Variants in SORL1-AS1 observed in about 807,000 individuals in gnomAD.
SORL1-AS1 encodes the protein SORL1 antisense RNA 1.
In SORL1-AS1 at chr11:121,452,744, T is replaced by C; in HGVS notation, n.270A>G. The C allele has an allele frequency of 1.2e-6, 1 of 808,978 alleles. No individual in the cohort carries two copies. Among genetic ancestry groups the C allele is most frequent in the South Asian group, 2.4e-5 (1 of 41,704 alleles). 50.1% of individuals were successfully genotyped at this position (808,978 alleles called of 1,614,324 possible). A position where few individuals can be genotyped will look rare whatever the true frequency, so the allele number is the denominator to read the frequency against. ...CTGGGGACTTCCCGGCTTGCATTTG[T>C]TTTTTTCCTTCACGAGTACAACCGT... On this transcript the variant is annotated non_coding_transcript_exon_variant, in exon 1 of 2. Transcript: ENST00000501964. The surrounding 1 kb of genome is among the most constrained non-coding windows in gnomAD (Gnocchi z 5.3).
rs1860806243 is a variant in SORL1-AS1, at chr11:121,452,207, G to C, written n.339+468C>G. 3 of 549,284 alleles carry C rather than the reference G, an allele frequency of 5.5e-6. No individual in the cohort carries two copies. The highest frequency in any genetic ancestry group is 7.2e-6 in the Non-Finnish European group (3 of 416,748). The allele number at this position is 549,284 out of a possible 1,614,324, so 34.0% of individuals were successfully genotyped here. A position where few individuals can be genotyped will look rare whatever the true frequency, so the allele number is the denominator to read the frequency against. The stretch of plus-strand genomic sequence containing the variant: ...GCGGCGGGCGCAGCGGGGCGGCCCG[G>C]AGCGGCGCGGGCGGCCTGGAGCCCC... On this transcript the variant is annotated intron_variant and non_coding_transcript_variant, in intron 1 of 1. Transcript: ENST00000501964. This position sits in a 1 kb window ranked among gnomAD's most constrained non-coding sequence, Gnocchi z 5.3.
chr11:121,443,495 T>C (rs918734194), downstream of SORL1-AS1, among the ~76,000 whole-genome samples: 4 of 152,266 alleles, frequency 2.6e-5, no homozygotes, highest in Non-Finnish European at 5.9e-5. Flanking sequence ...CTGGAAGCTT[T>C]TCCTTATTCA....
downstream of SORL1-AS1, among the ~76,000 whole-genome samples, chr11:121,442,849 T>TGTTTCC (rs1296776759): frequency 6.6e-6 from 1 of 150,768 alleles, no homozygotes; most frequent in Admixed American, 6.6e-5. Flanking sequence ...CGGCTAATTT[T>TGTTTCC]TTGTATTTTT....
intron 1 of SORL1-AS1, among the ~76,000 whole-genome samples, chr11:121,451,320 G>C (rs116683483): frequency 6.6e-6 from 1 of 152,216 alleles, no homozygotes; most frequent in African/African-American, 2.4e-5. Context: ...CTGTGGTTCA[G>C]AGAGTTTGGC....
exon 2 of SORL1-AS1, chr11:121,448,335 C>A (rs1326422700): frequency 3.3e-5 from 5 of 152,176 alleles, no homozygotes; most frequent in Admixed American, 3.3e-4. Flanking sequence ...TGGACGCTTT[C>A]CTAACTGAAG....
the SORL1-AS1 span, among the ~76,000 whole-genome samples, chr11:121,441,815 T>G: frequency 5.3e-5 from 8 of 152,176 alleles, no homozygotes; most frequent in African/African-American, 1.9e-4. Context: ...CCAGCTAATG[T>G]GTGGGAGAAA....
chr11:121,452,409 T>A lies in SORL1-AS1; in HGVS notation n.339+266A>T. 1 of 1,527,666 alleles carries A rather than the reference T, an allele frequency of 6.5e-7. No homozygotes were observed. Among genetic ancestry groups the A allele is most frequent in the Non-Finnish European group, 8.8e-7 (1 of 1,140,718 alleles). The allele number at this position is 1,527,666 out of a possible 1,614,324, so 94.6% of individuals were successfully genotyped here. A position where few individuals can be genotyped will look rare whatever the true frequency, so the allele number is the denominator to read the frequency against. On this transcript the variant is annotated intron_variant and non_coding_transcript_variant, in intron 1 of 1. Coordinates refer to ENST00000501964, the Ensembl canonical transcript of SORL1-AS1. This position sits in a 1 kb window ranked among gnomAD's most constrained non-coding sequence, Gnocchi z 5.3. The stretch of plus-strand genomic sequence containing the variant: ...TGGTCGCACTGCTGCCGCCCGGAGC[T>A]CTCTGCGAAGTCTGGACGCAGAGGC...
exon 2 of SORL1-AS1, chr11:121,448,784 G>A (rs1252421638): frequency 1.3e-5 from 2 of 152,218 alleles, no homozygotes; most frequent in African/African-American, 4.8e-5. Context: ...TCTGCTGCTT[G>A]TAGATTAAGA....
rs759967988 is a variant in SORL1-AS1, at chr11:121,452,349, C to T, written n.339+326G>A. The T allele has an allele frequency of 1.3e-6, 2 of 1,554,012 alleles. No individual in the cohort carries two copies. Among genetic ancestry groups the T allele is most frequent in the Non-Finnish European group, 1.7e-6 (2 of 1,154,626 alleles). ...GCCCGAACATGGCGACACGGAGCAGCAGGAGGGAGTCGCGACTCCCGTTCC... is the reference window on the plus strand; with the variant it reads ...GCCCGAACATGGCGACACGGAGCAGTAGGAGGGAGTCGCGACTCCCGTTCC... On this transcript the variant is annotated intron_variant and non_coding_transcript_variant, in intron 1 of 1. Coordinates refer to ENST00000501964, the Ensembl canonical transcript of SORL1-AS1. This position sits in a 1 kb window ranked among gnomAD's most constrained non-coding sequence, Gnocchi z 5.3.
the SORL1-AS1 span, among the ~76,000 whole-genome samples, chr11:121,441,403 C>T: frequency 0.019 from 2,908 of 150,754 alleles, 37 homozygotes; most frequent in African/African-American, 0.023. Context: ...TGGTGGTGGG[C>T]GCCTGCAGTC....
chr11:121,442,437 C>G (rs938890899), downstream of SORL1-AS1, among the ~76,000 whole-genome samples: 4 of 151,920 alleles, frequency 2.6e-5, no homozygotes, highest in African/African-American at 9.7e-5. Context: ...GAGTTCGGGC[C>G]CAGCCTGGGC....
chr11:121,445,392 TG>T (rs1476308762), downstream of SORL1-AS1, among the ~76,000 whole-genome samples: 1 of 152,170 alleles, frequency 6.6e-6, no homozygotes, highest in Non-Finnish European at 1.5e-5. Flanking sequence ...TCAGAACCCC[TG>T]GCTGCACGGC....
rs1860771983 is a variant in SORL1-AS1, at chr11:121,450,238, A to T, written n.340-339T>A. 1.3e-5 allele frequency among the ~76,000 whole-genome samples: 2 copies of T among 152,142 alleles called. No individual in the cohort carries two copies. The highest frequency in any genetic ancestry group is 4.8e-5 in the African/African-American group (2 of 41,432). On this transcript the variant is annotated intron_variant and non_coding_transcript_variant, in intron 1 of 1. Transcript: ENST00000501964. This position sits in a 1 kb window ranked among gnomAD's most constrained non-coding sequence, Gnocchi z 5.2. The stretch of plus-strand genomic sequence containing the variant: ...CCCCAATAATTGAATCATCTACAGG[A>T]TGTTCTCACTTTAGCCATATTCCCT...
At chr11:121,442,708 T>G (rs571788801), downstream of SORL1-AS1, among the ~76,000 whole-genome samples, 2 of 149,600 alleles carry the variant, frequency 1.3e-5, no homozygotes, top group East Asian at 4.0e-4. Context: ...AGATGGAGTC[T>G]TGCTCTGTCG....
the SORL1-AS1 span, among the ~76,000 whole-genome samples, chr11:121,439,549 A>G: frequency 6.6e-6 from 1 of 151,948 alleles, no homozygotes; most frequent in Non-Finnish European, 1.5e-5. Flanking sequence ...CTCTGTCTGT[A>G]TATCTTCTAT....
the SORL1-AS1 span, among the ~76,000 whole-genome samples, chr11:121,440,960 G>A: frequency 6.6e-6 from 1 of 152,108 alleles, no homozygotes; most frequent in South Asian, 2.1e-4. Flanking sequence ...TGTTGGCTGT[G>A]GCCCTTATGA....
chr11:121,443,404 A>T (rs1052279998), downstream of SORL1-AS1, among the ~76,000 whole-genome samples: 1 of 152,234 alleles, frequency 6.6e-6, no homozygotes, highest in Non-Finnish European at 1.5e-5. Context: ...ATGCCATGTC[A>T]AACAGACAAG....
chr11:121,439,898 A>T, the SORL1-AS1 span, among the ~76,000 whole-genome samples: 1 of 152,252 alleles, frequency 6.6e-6, no homozygotes, highest in African/African-American at 2.4e-5. Flanking sequence ...GGCTTTGGCC[A>T]ATCAGAATGG....
Position 121,452,808 on chromosome 11 carries a change from G to A in SORL1-AS1, n.206C>T. On this transcript the variant is annotated non_coding_transcript_exon_variant, in exon 1 of 2. Coordinates refer to ENST00000501964, the Ensembl canonical transcript of SORL1-AS1. This position sits in a 1 kb window ranked among gnomAD's most constrained non-coding sequence, Gnocchi z 5.3. Reference sequence around the variant, plus strand: ...GCATTGATCTTTCCTTCTTCCTGTCGATTTAGTAAACGTATTCCAGGTAAC... The same window carrying A: ...GCATTGATCTTTCCTTCTTCCTGTCAATTTAGTAAACGTATTCCAGGTAAC... 1 of 508,166 alleles carries A rather than the reference G, an allele frequency of 2.0e-6. No homozygotes were observed. Among genetic ancestry groups the A allele is most frequent in the Non-Finnish European group, 3.3e-6 (1 of 301,342 alleles). 31.5% of individuals were successfully genotyped at this position (508,166 alleles called of 1,614,324 possible).
Sources: allele counts gnomAD v4.1 joint callset (sites outside exome capture counted in the v4.1 genomes callset), GRCh38; gene constraint gnomAD v4.1.1; non-coding constraint Gnocchi (gnomAD v3.1); transcripts MANE v1.5; gene names NCBI Gene and HGNC (gene_info 2026-07-23, HGNC 2026-07-21).